HEATR4: variants seen among roughly 807,000 people sequenced by gnomAD.
The protein encoded by HEATR4 is HEAT repeat containing 4, also known as HEAT repeat-containing protein 4.
HEATR4 carries 95 observed loss-of-function variants against 108.8 expected under a neutral mutation model. The ratio of observed to expected loss-of-function variants is 0.87; its 90% CI spans 0.74 to 1.04. HEATR4 has a LOEUF of 1.04. Ranked by LOEUF, HEATR4 falls within the 50% of genes least tolerant of loss-of-function variation. The probability of loss-of-function intolerance (pLI) is 0.00; values close to 1 mark genes in which losing one functional copy is unlikely to be tolerated. For missense variants in HEATR4, 1,152 were observed against 1,253.8 expected, an observed-to-expected ratio of 0.92 and a Z score of 1.23; for synonymous variants, 443 against 459.4, an observed-to-expected ratio of 0.96 and a Z score of 0.46.
At chr14:73,574,866 T>G in the HEATR4 span, 1 of 1,613,202 alleles carries the variant, frequency 6.2e-7, no homozygotes, top group Non-Finnish European at 8.5e-7. Context: ...TTCCACTGTT[T>G]GTGGAATCAT....
At chr14:73,567,695 C>G in the HEATR4 span, 2 of 152,014 alleles carry the variant, frequency 1.3e-5, no homozygotes, top group Non-Finnish European at 2.9e-5. Context: ...GCTACTGCTC[C>G]TTCTTTGGGT....
At chr14:73,574,024 C>G in the HEATR4 span, among the ~76,000 whole-genome samples, 2 of 124,268 alleles carry the variant, frequency 1.6e-5, no homozygotes, top group Admixed American at 9.2e-5. Flanking sequence ...CTATGCCCAG[C>G]CTAATATTTG....
At chr14:73,541,750 G>T (rs1186158513) in intron 1 of HEATR4, 3 of 1,161,498 alleles carry the variant, frequency 2.6e-6, no homozygotes, top group African/African-American at 1.7e-5. Context: ...CTTCTTAAAT[G>T]GTCTGGGTTT....
chr14:73,493,330 A>C, intron 16 of HEATR4: 1 of 537,636 alleles, frequency 1.9e-6, no homozygotes, highest in Non-Finnish European at 3.4e-6. Flanking sequence ...CGGGGTCAGT[A>C]TCCTGTTTGT....
chr14:73,526,675 A>G (rs954408290), intron 2 of HEATR4, among the ~76,000 whole-genome samples: 15 of 152,226 alleles, frequency 9.9e-5, no homozygotes, highest in Non-Finnish European at 2.2e-4. Context: ...CTACATTTCC[A>G]GACCTACCCT....
At chr14:73,525,120 C>T (rs1280963097) in intron 2 of HEATR4, among the ~76,000 whole-genome samples, 1 of 152,154 alleles carries the variant, frequency 6.6e-6, no homozygotes, top group Non-Finnish European at 1.5e-5. Flanking sequence ...GCCTCAACCT[C>T]CTGGGCCCAA....
At chr14:73,525,234 A>C (rs564303663) in intron 2 of HEATR4, among the ~76,000 whole-genome samples, 2 of 152,030 alleles carry the variant, frequency 1.3e-5, no homozygotes, top group Admixed American at 1.3e-4. Flanking sequence ...GGGTCTCACT[A>C]TGTTGCCCAG....
chr14:73,611,224 C>T, the HEATR4 span, among the ~76,000 whole-genome samples: 1 of 152,152 alleles, frequency 6.6e-6, no homozygotes, highest in Admixed American at 6.5e-5. Flanking sequence ...CTTCCTTCTC[C>T]ACCCTGCTAT....
At chr14:73,511,048 T>C (rs1160273084) in intron 7 of HEATR4, among the ~76,000 whole-genome samples, 2 of 152,172 alleles carry the variant, frequency 1.3e-5, no homozygotes, top group Non-Finnish European at 2.9e-5. Context: ...TCTTATCAGG[T>C]GTTTAGGGGA....
chr14:73,530,140 C>CTT (rs3041623), intron 2 of HEATR4, 26 bp downstream of exon 2: 64,487 of 124,284 alleles, frequency 0.52, 21,222 homozygotes, highest in East Asian at 0.81. Context: ...TGTTTTAAAA[C>CTT]TTTTTTTGTA....
At chr14:73,572,461 A>G in the HEATR4 span, among the ~76,000 whole-genome samples, 1 of 151,962 alleles carries the variant, frequency 6.6e-6, no homozygotes, top group African/African-American at 2.4e-5. Context: ...ACTAGGCAAA[A>G]TAAAATATTA....
upstream of HEATR4, among the ~76,000 whole-genome samples, chr14:73,561,218 T>G (rs903646156): frequency 1.3e-5 from 2 of 151,256 alleles, no homozygotes; most frequent in Admixed American, 1.3e-4. Flanking sequence ...ATACAAAAAT[T>G]AGCCAGGCGT....
the HEATR4 span, among the ~76,000 whole-genome samples, chr14:73,592,954 G>A: frequency 1.3e-5 from 2 of 152,208 alleles, no homozygotes; most frequent in Admixed American, 1.3e-4. Flanking sequence ...AATGAAGTTG[G>A]TATTGTTATT....
intron 1 of HEATR4, among the ~76,000 whole-genome samples, chr14:73,547,552 C>A (rs1215571864): frequency 8.7e-6 from 1 of 114,514 alleles, no homozygotes; most frequent in Non-Finnish European, 1.9e-5. Context: ...TAACCAATAC[C>A]CAAGTCCAAT....
the HEATR4 span, among the ~76,000 whole-genome samples, chr14:73,565,686 G>A: frequency 1.3e-5 from 2 of 151,906 alleles, no homozygotes; most frequent in African/African-American, 2.4e-5. Flanking sequence ...CTCTTAAGGC[G>A]GCGTGTCTGG....
chr14:73,542,145 A>G lies in HEATR4; in HGVS notation c.-151-11901T>C, dbSNP rs183092693. On this transcript the variant is annotated intron_variant, in intron 1 of 17. Transcript: ENST00000553558. ...TGCTGGATTACAGGCATGAGCCACT[A>G]TGCCTAGCCTAATTTTTGTATTTTT... Among the ~76,000 whole-genome samples the G allele has an allele frequency of 6.7e-4, 67 of 99,306 alleles. 28 individuals are homozygous for G. The East Asian group carries it at 0.051, about 76-fold the overall frequency. The allele number at this position is 99,306 out of a possible 152,430, so 65.1% of individuals were successfully genotyped here.
Position 73,495,393 on chromosome 14 carries a change from T to C in HEATR4, c.2626-6A>G. ...TTTTGGCTTAGTGTTTTAATCTAAATTAGAACAAATAATGTTTGAAAAACA... is the reference window on the plus strand; with the variant it reads ...TTTTGGCTTAGTGTTTTAATCTAAACTAGAACAAATAATGTTTGAAAAACA... On this transcript the variant is annotated splice_region_variant and splice_polypyrimidine_tract_variant and intron_variant, in intron 15 of 17. Transcript: ENST00000553558. 1 of 1,609,710 alleles carries C rather than the reference T, an allele frequency of 6.2e-7. No homozygotes were observed. The highest frequency in any genetic ancestry group is 8.5e-7 in the Non-Finnish European group (1 of 1,177,394).
intron 10 of HEATR4, among the ~76,000 whole-genome samples, chr14:73,504,265 C>T (rs1487762712): frequency 2.1e-4 from 31 of 146,846 alleles, no homozygotes; most frequent in African/African-American, 5.8e-4. Flanking sequence ...TTTTTTGAGA[C>T]GGAGCCTCGC....
chr14:73,590,386 C>T, the HEATR4 span, among the ~76,000 whole-genome samples: 4 of 152,258 alleles, frequency 2.6e-5, no homozygotes, highest in Non-Finnish European at 5.9e-5. Context: ...CTCCAAGTCC[C>T]CACCAGACTC....
Sources: allele counts gnomAD v4.1 joint callset (sites outside exome capture counted in the v4.1 genomes callset), GRCh38; gene constraint gnomAD v4.1.1; transcripts MANE v1.5; gene names NCBI Gene and HGNC (gene_info 2026-07-23, HGNC 2026-07-21).